SYT1: variants seen among roughly 807,000 people sequenced by gnomAD.
SYT1 encodes synaptotagmin 1, also known as synaptotagmin-1.
In SYT1, 8 loss-of-function variants were observed where a neutral mutation model predicts 44.8. The observed-to-expected ratio is 0.18, with a 90% CI of 0.10 to 0.32. SYT1 has a LOEUF of 0.32. Among genes scored for constraint, SYT1 ranks in the 10% least tolerant of loss-of-function variants. The pLI, the probability that SYT1 is intolerant of heterozygous loss-of-function variation, is 1.00. For synonymous variants in SYT1, 154 were observed against 188.8 expected, an observed-to-expected ratio of 0.82 and a Z score of 1.51; for missense variants, 286 against 509.3, an observed-to-expected ratio of 0.56 and a Z score of 4.22.
chr12:78,947,156 T>G (rs903028074), intron 1 of SYT1, among the ~76,000 whole-genome samples: 1 of 152,196 alleles, frequency 6.6e-6, no homozygotes, highest in African/African-American at 2.4e-5. Flanking sequence ...GCAACTACTT[T>G]CCCCTGCTAT....
At chr12:79,148,407 A>G (rs1870057556) in intron 3 of SYT1, among the ~76,000 whole-genome samples, 1 of 152,164 alleles carries the variant, frequency 6.6e-6, no homozygotes, top group African/African-American at 2.4e-5. Flanking sequence ...TTCCAATGTT[A>G]AATTGCTATC....
At chr12:79,013,987 A>C (rs1015302002) in intron 2 of SYT1, among the ~76,000 whole-genome samples, 1 of 147,546 alleles carries the variant, frequency 6.8e-6, no homozygotes, top group South Asian at 2.2e-4. Context: ...TTAGCTGGGC[A>C]TGGTGGTGGG....
chr12:79,226,395 T>A (rs973756384), intron 4 of SYT1, among the ~76,000 whole-genome samples: 2 of 152,184 alleles, frequency 1.3e-5, no homozygotes, highest in Admixed American at 6.5e-5. Flanking sequence ...TTGCTTCTCT[T>A]GGGTAATCTC....
At chr12:78,885,306 AG>A (rs1164618131) in intron 1 of SYT1, among the ~76,000 whole-genome samples, 7 of 144,716 alleles carry the variant, frequency 4.8e-5, no homozygotes, top group East Asian at 2.1e-4. Context: ...AGAAGAAAGG[AG>A]AGAGGGAGGG....
chr12:79,383,119 T>TG (rs1233100486), intron 9 of SYT1, among the ~76,000 whole-genome samples: 1 of 152,160 alleles, frequency 6.6e-6, no homozygotes, highest in African/African-American at 2.4e-5. Flanking sequence ...TTTTGAGAAA[T>TG]GCACAGTTAG....
At chr12:79,029,907 A>G (rs1290620843) in intron 2 of SYT1, among the ~76,000 whole-genome samples, 1 of 151,028 alleles carries the variant, frequency 6.6e-6, no homozygotes, top group African/African-American at 2.4e-5. Context: ...CTTAGTTTTT[A>G]TGTCAGACTT....
chr12:79,408,312 A>C (rs562875602), intron 9 of SYT1, among the ~76,000 whole-genome samples: 2 of 152,280 alleles, frequency 1.3e-5, no homozygotes, highest in Non-Finnish European at 2.9e-5. Flanking sequence ...AATTGCTCAA[A>C]TTGAAGGCTG....
intron 9 of SYT1, among the ~76,000 whole-genome samples, chr12:79,425,977 C>T (rs1321758984): frequency 6.6e-6 from 1 of 151,920 alleles, no homozygotes; most frequent in East Asian, 1.9e-4. Context: ...CTCTCTTATT[C>T]AATTATTCAA....
chr12:79,314,224 C>T (rs1444039762), intron 8 of SYT1, among the ~76,000 whole-genome samples: 1 of 149,670 alleles, frequency 6.7e-6, no homozygotes, highest in African/African-American at 2.5e-5. Context: ...AAACATTGGT[C>T]AGAGCCCTTA....
At chr12:79,316,891 T>G (rs1565905694) in intron 8 of SYT1, among the ~76,000 whole-genome samples, 2 of 152,216 alleles carry the variant, frequency 1.3e-5, no homozygotes, top group Non-Finnish European at 2.9e-5. Flanking sequence ...AAGTATGGCA[T>G]GGATCAAATG....
Position 79,299,476 on chromosome 12 carries a change from A to C in SYT1, c.735A>C (p.Lys245Asn). The stretch of plus-strand genomic sequence containing the variant: ...AGCATGACATCATTGGAGAATTTAA[A>C]GTCCCTATGAACACAGTGGATTTTG... ...FSKHDIIGEF[K>N]VPMNTVDFGH... The change falls in exon 8 of 11, where the codon AAA (lysine) becomes AAC (asparagine). Residue 245 changes from lysine (K) to asparagine (N), a missense_variant. This residue lies in a region of SYT1 where 81 missense variants were observed against 164.9 expected (regional missense o/e 0.49). Transcript: ENST00000261205. 1 of 1,613,672 alleles carries C rather than the reference A, an allele frequency of 6.2e-7. No homozygotes were observed. Among genetic ancestry groups the C allele is most frequent in the Non-Finnish European group, 8.5e-7 (1 of 1,179,670 alleles).
At position 79,331,176 on chromosome 12, in the gene SYT1, G is replaced by A. The variant is rs73352967; in HGVS notation, c.811-22326G>A. Among the ~76,000 whole-genome samples the A allele has an allele frequency of 6.6e-3, 1,011 of 152,208 alleles. 9 individuals are homozygous for A. The highest frequency in any genetic ancestry group is 0.023 in the African/African-American group (957 of 41,530). ...AACTGTACCAATCTCACCTATAAGCGACATCATTGGCTCATTTCTCTACCT... is the reference window on the plus strand; with the variant it reads ...AACTGTACCAATCTCACCTATAAGCAACATCATTGGCTCATTTCTCTACCT... On this transcript the variant is annotated intron_variant, in intron 8 of 10. Coordinates refer to ENST00000261205, the MANE Select transcript of SYT1 (RefSeq NM_005639.3).
intron 4 of SYT1, among the ~76,000 whole-genome samples, chr12:79,219,708 GT>G (rs1017546013): frequency 2.6e-5 from 4 of 151,928 alleles, no homozygotes; most frequent in African/African-American, 9.7e-5. Context: ...CTATGTGTCT[GT>G]TTTTATGCTT....
intron 1 of SYT1, among the ~76,000 whole-genome samples, chr12:78,918,913 G>A (rs1399673671): frequency 6.6e-6 from 1 of 152,006 alleles, no homozygotes; most frequent in Admixed American, 6.6e-5. Context: ...AGTGCAGTAT[G>A]TATATTGTTA....
At chr12:79,056,101 C>T (rs1874915648) in intron 3 of SYT1, among the ~76,000 whole-genome samples, 1 of 151,984 alleles carries the variant, frequency 6.6e-6, no homozygotes, top group Non-Finnish European at 1.5e-5. Context: ...TAGACTGTAC[C>T]ATCTAGGTTA....
intron 2 of SYT1, among the ~76,000 whole-genome samples, chr12:79,034,820 T>G (rs1412386343): frequency 6.6e-6 from 1 of 151,794 alleles, no homozygotes; most frequent in African/African-American, 2.4e-5. Flanking sequence ...AAAAGTTTTA[T>G]TCTATTTTTA....
At position 79,315,651 on chromosome 12, in the gene SYT1, C is replaced by T. The variant is rs561661615; in HGVS notation, c.810+16100C>T. On this transcript the variant is annotated intron_variant, in intron 8 of 10. Transcript: ENST00000261205. ...GCTGTTTCAAAAGTTTTGGGATATT[C>T]GCTGAAAATATTCTAGTCTCTCTTT... Among the ~76,000 whole-genome samples, 12 of 152,244 alleles carry T rather than the reference C, an allele frequency of 7.9e-5. 1 individual carries two copies. The highest frequency in any genetic ancestry group is 2.9e-4 in the African/African-American group (12 of 41,528).
At chr12:78,987,484 C>T (rs2137467402) in intron 2 of SYT1, among the ~76,000 whole-genome samples, 1 of 152,080 alleles carries the variant, frequency 6.6e-6, no homozygotes, top group South Asian at 2.1e-4. Flanking sequence ...ATCAAAAAGA[C>T]TATTTTTTTA....
intron 1 of SYT1, among the ~76,000 whole-genome samples, chr12:78,888,157 T>C (rs1874851056): frequency 6.6e-6 from 1 of 151,904 alleles, no homozygotes; most frequent in African/African-American, 2.4e-5. Context: ...AAATTGATAG[T>C]TTTTTTCAAA....
Sources: allele counts gnomAD v4.1 joint callset (sites outside exome capture counted in the v4.1 genomes callset), GRCh38; gene constraint gnomAD v4.1.1; regional missense constraint gnomAD v4.1.1; transcripts MANE v1.5; gene names NCBI Gene and HGNC (gene_info 2026-07-23, HGNC 2026-07-21).